LRRC27: variants seen among roughly 807,000 people sequenced by gnomAD.
LRRC27 encodes the protein leucine-rich repeat-containing protein 27.
In LRRC27, 57 loss-of-function variants were observed where a neutral mutation model predicts 55.0. That is an observed-to-expected ratio of 1.04 (90% CI 0.84 to 1.29). LRRC27 has a LOEUF of 1.29. Ranked by LOEUF, LRRC27 falls within the 50% of genes most tolerant of loss-of-function variation. The pLI, the probability that LRRC27 is intolerant of heterozygous loss-of-function variation, is 0.00. For synonymous variants in LRRC27, 278 were observed against 251.9 expected (o/e 1.10, Z -0.98); for missense variants, 721 against 651.5 (o/e 1.11, Z -1.16).
chr10:132,368,158 T>C (rs1405196924), intron 10 of LRRC27, among the ~76,000 whole-genome samples: 1 of 152,170 alleles, frequency 6.6e-6, no homozygotes, highest in Non-Finnish European at 1.5e-5. Context: ...ATACAAAATC[T>C]ATATGAGGAA....
At chr10:132,359,412 G>A (rs755741758) in intron 8 of LRRC27, among the ~76,000 whole-genome samples, 5 of 152,174 alleles carry the variant, frequency 3.3e-5, no homozygotes, top group Non-Finnish European at 7.4e-5. Flanking sequence ...GCGGTTCCAC[G>A]CATTGGCCCG....
rs922076076 is a variant in LRRC27 at position 132,378,419 on chromosome 10, TC to T, written c.*3181del. ...CATTTTTTTTTTTTTTACTATTTTTTCCCCTGTTCTCCCTCTTCTCCCTGAG... is the reference window on the plus strand; with the variant it reads ...CATTTTTTTTTTTTTTACTATTTTTTCCCTGTTCTCCCTCTTCTCCCTGAG... On this transcript the variant is annotated 3_prime_UTR_variant, in exon 11 of 11. Coordinates refer to ENST00000368614, the MANE Select transcript of LRRC27 (RefSeq NM_030626.3). The T allele has an allele frequency of 1.3e-5, 2 of 152,094 alleles. No homozygotes were observed. The highest frequency in any genetic ancestry group is 4.8e-5 in the African/African-American group (2 of 41,410). 9.4% of individuals were successfully genotyped at this position (152,094 alleles called of 1,614,324 possible). A position where few individuals can be genotyped will look rare whatever the true frequency, so the allele number is the denominator to read the frequency against.
intron 8 of LRRC27, among the ~76,000 whole-genome samples, chr10:132,360,335 G>A (rs1265289254): frequency 6.6e-6 from 1 of 152,168 alleles, no homozygotes; most frequent in Non-Finnish European, 1.5e-5. Context: ...ACCTCAAGCA[G>A]TCCACCCGCC....
At chr10:132,364,458 C>CATCT (rs1249304155) in intron 9 of LRRC27, among the ~76,000 whole-genome samples, 5 of 83,264 alleles carry the variant, frequency 6.0e-5, no homozygotes, top group East Asian at 3.1e-4. Context: ...CCCACACTCA[C>CATCT]ACCCACCCAC....
rs555278159 is a variant in LRRC27 at position 132,348,042 on chromosome 10, G to A, written c.612G>A (p.Leu204=). 66 of 1,613,808 alleles carry A rather than the reference G, an allele frequency of 4.1e-5. No homozygotes were observed. The South Asian group carries it at 4.6e-4, about 11-fold the overall frequency. Residue 204 remains leucine, a synonymous_variant, in exon 6 of 11, where the codon TTG becomes TTA. Transcript: ENST00000368614. The surrounding 1 kb of genome is among the most constrained non-coding windows in gnomAD (Gnocchi z 4.2). ...LRDLPSPGLE[L]SGDHASNQGA... ...ACCTCCCGAGCCCAGGACTGGAGTT[G>A]TCTGGAGACCACGCGTCTAACCAAG... is the stretch of plus-strand genomic sequence containing the variant.
At chr10:132,344,673 C>G (rs769508374) in intron 5 of LRRC27, 23 bp downstream of exon 5, 2 of 1,607,958 alleles carry the variant, frequency 1.2e-6, no homozygotes, top group East Asian at 4.5e-5. Context: ...TGATTTATGA[C>G]AAATCACATT....
At chr10:132,359,831 G>T (rs1040325601) in intron 8 of LRRC27, among the ~76,000 whole-genome samples, 2 of 152,232 alleles carry the variant, frequency 1.3e-5, no homozygotes, top group African/African-American at 4.8e-5. Context: ...TCACGTCAGT[G>T]GCATGTTTGA....
At chr10:132,354,985 G>C in intron 7 of LRRC27, among the ~76,000 whole-genome samples, 1 of 152,238 alleles carries the variant, frequency 6.6e-6, no homozygotes, top group Admixed American at 6.5e-5. Flanking sequence ...GGCGTTACTC[G>C]GGACGTTCGC....
In LRRC27 at chr10:132,348,227, G is replaced by A; in HGVS notation, c.797G>A (p.Arg266Lys). The A allele has an allele frequency of 6.2e-7, 1 of 1,614,090 alleles. No homozygotes were observed. Among genetic ancestry groups the A allele is most frequent in the Non-Finnish European group, 8.5e-7 (1 of 1,180,052 alleles). Residue 266 changes from arginine (R) to lysine (K), a missense_variant, in exon 6 of 11, where the codon AGG (arginine) becomes AAG (lysine). Arg to Lys is a conservative substitution (Grantham distance 26). Transcript: ENST00000368614. This position sits in a 1 kb window ranked among gnomAD's most constrained non-coding sequence, Gnocchi z 4.2. ...EEEIRRFWKL[R>K]QEIVEHVKAD... The stretch of plus-strand genomic sequence containing the variant: ...GAGATCAGGCGCTTTTGGAAGCTGA[G>A]GCAGGAGATTGTTGAGCACGTGAAG...
At chr10:132,331,987 G>A (rs2066787202), upstream of LRRC27, 1 of 433,946 alleles carries the variant, frequency 2.3e-6, no homozygotes, top group East Asian at 4.0e-5. Context: ...CCGGGCAGGC[G>A]CACCACACCC....
chr10:132,357,892 G>A (rs1381705847), intron 8 of LRRC27, among the ~76,000 whole-genome samples: 1 of 152,148 alleles, frequency 6.6e-6, no homozygotes, highest in Non-Finnish European at 1.5e-5. Context: ...CCTCGGCTGT[G>A]GCAGCAGGCA....
At chr10:132,357,994 C>G (rs989786652) in intron 8 of LRRC27, among the ~76,000 whole-genome samples, 1 of 152,192 alleles carries the variant, frequency 6.6e-6, no homozygotes, top group African/African-American at 2.4e-5. Flanking sequence ...CTTCCCTGTG[C>G]CACCCTCTGG....
intron 9 of LRRC27, among the ~76,000 whole-genome samples, chr10:132,363,280 G>A (rs1468424650): frequency 6.6e-6 from 1 of 151,704 alleles, no homozygotes; most frequent in Admixed American, 6.6e-5. Flanking sequence ...CTGCTCGGGG[G>A]TCCGGGGTTC....
In LRRC27 at chr10:132,335,862, C is replaced by T. The variant is rs532874611; in HGVS notation, c.211-1703C>T. On this transcript the variant is annotated intron_variant, in intron 2 of 10. Coordinates refer to ENST00000368614, the MANE Select transcript of LRRC27 (RefSeq NM_030626.3). ...GGCAGGCTGATAAGAACGGACAAAA[C>T]GAGCTATTTTGCGGGCTAGTAAACT... is the stretch of plus-strand genomic sequence containing the variant. Among the ~76,000 whole-genome samples, 32 of 152,222 alleles carry T rather than the reference C, an allele frequency of 2.1e-4. No homozygotes were observed. The South Asian group carries it at 3.9e-3, about 19-fold the overall frequency.
chr10:132,343,321 CAAAA>C (rs1364183918), intron 4 of LRRC27, among the ~76,000 whole-genome samples: 3 of 151,984 alleles, frequency 2.0e-5, no homozygotes, highest in Admixed American at 2.0e-4. Context: ...TCTCTAAAAA[CAAAA>C]CAACAACAAC....
upstream of LRRC27, chr10:132,331,884 AC>A (rs762255503): frequency 2.4e-5 from 24 of 1,019,732 alleles, 1 homozygote; most frequent in East Asian, 6.4e-4. Context: ...CAGGCGCACC[AC>A]CCCCTGCCAC....
Position 132,381,426 on chromosome 10 carries a change from T to TCAGTTTG in LRRC27, c.*6188_*6194dup, listed in dbSNP as rs1170046822. On this transcript the variant is annotated 3_prime_UTR_variant, in exon 11 of 11. Transcript: ENST00000368614. ...GAGCTACTACTGGCTTCCTTGCCCC[T>TCAGTTTG]CAGTTTGCAGACAGCCTATTGTGGG... Among the ~76,000 whole-genome samples, 1 of 152,238 alleles carries TCAGTTTG rather than the reference T, an allele frequency of 6.6e-6. No individual in the cohort carries two copies. The highest frequency in any genetic ancestry group is 1.9e-4 in the East Asian group (1 of 5,200).
At chr10:132,347,484 G>C (rs1489471484) in intron 5 of LRRC27, among the ~76,000 whole-genome samples, 1 of 151,606 alleles carries the variant, frequency 6.6e-6, no homozygotes, top group Non-Finnish European at 1.5e-5. Flanking sequence ...GTCCTGTGGG[G>C]CTTGTGTGGG....
intron 5 of LRRC27, among the ~76,000 whole-genome samples, chr10:132,347,311 T>C (rs1189766713): frequency 4.7e-5 from 6 of 127,744 alleles, no homozygotes; most frequent in Non-Finnish European, 8.3e-5. Context: ...TCAGGCGTGC[T>C]CAGTGGGGCC....
Sources: allele counts gnomAD v4.1 joint callset (sites outside exome capture counted in the v4.1 genomes callset), GRCh38; gene constraint gnomAD v4.1.1; non-coding constraint Gnocchi (gnomAD v3.1); transcripts MANE v1.5; gene names NCBI Gene and HGNC (gene_info 2026-07-23, HGNC 2026-07-21).